The following DAPK2 variants were observed in gnomAD, a reference collection of about 807,000 sequenced individuals.
DAPK2 encodes the protein death associated protein kinase 2.
In DAPK2, 35 loss-of-function variants were observed where a neutral mutation model predicts 44.1. That is an observed-to-expected ratio of 0.79 (90% CI 0.61 to 1.05). The LOEUF (loss-of-function observed/expected upper bound fraction) is 1.05. Among genes scored for constraint, DAPK2 ranks in the 50% least tolerant of loss-of-function variants. The pLI is 0.00. For missense variants in DAPK2, 453 were observed against 483.2 expected (o/e 0.94, Z 0.59); for synonymous variants, 174 against 182.6 (o/e 0.95, Z 0.38).
intron 1 of DAPK2, among the ~76,000 whole-genome samples, chr15:64,024,446 G>C (rs1309742225): frequency 6.6e-6 from 1 of 152,176 alleles, no homozygotes; most frequent in African/African-American, 2.4e-5. Context: ...GGACATTAAA[G>C]GACAGAGACC....
chr15:63,953,440 T>C (rs1817183018), intron 3 of DAPK2, among the ~76,000 whole-genome samples: 1 of 152,220 alleles, frequency 6.6e-6, no homozygotes, highest in Admixed American at 6.5e-5. Flanking sequence ...AGTTGTTGCA[T>C]ATGACAGGAT....
At chr15:63,925,257 G>A (rs2079209320) in intron 7 of DAPK2, among the ~76,000 whole-genome samples, 1 of 152,138 alleles carries the variant, frequency 6.6e-6, no homozygotes, top group Admixed American at 6.5e-5. Context: ...ACCCAGGTAA[G>A]CAACTCTCCC....
intron 1 of DAPK2, among the ~76,000 whole-genome samples, chr15:64,031,821 C>A (rs1595915751): frequency 6.6e-6 from 1 of 152,150 alleles, no homozygotes; most frequent in Non-Finnish European, 1.5e-5. Context: ...AAAATGGGAA[C>A]AACTACTTCA....
intron 3 of DAPK2, among the ~76,000 whole-genome samples, chr15:63,949,645 C>T (rs1048433896): frequency 6.6e-6 from 1 of 152,208 alleles, no homozygotes; most frequent in African/African-American, 2.4e-5. Context: ...CAGGAGTTGG[C>T]TCCAAGATGC....
chr15:63,994,539 G>A (rs1446203485), intron 1 of DAPK2, among the ~76,000 whole-genome samples: 1 of 151,172 alleles, frequency 6.6e-6, no homozygotes, highest in Non-Finnish European at 1.5e-5. Context: ...TATCATCTTG[G>A]TGTCTGCCCC....
chr15:63,981,532 A>G (rs973689635), intron 2 of DAPK2, among the ~76,000 whole-genome samples: 3 of 152,250 alleles, frequency 2.0e-5, no homozygotes, highest in African/African-American at 7.2e-5. Context: ...GTAGAGCAGG[A>G]AATTATACAA....
intron 1 of DAPK2, among the ~76,000 whole-genome samples, chr15:64,000,147 G>A (rs57532370): frequency 2.2e-3 from 327 of 151,180 alleles, no homozygotes; most frequent in African/African-American, 7.6e-3. Context: ...AAAGGGGGAT[G>A]ATACAAAGCA....
At chr15:63,956,969 T>A (rs1164596682) in intron 3 of DAPK2, among the ~76,000 whole-genome samples, 3 of 152,258 alleles carry the variant, frequency 2.0e-5, no homozygotes, top group Non-Finnish European at 4.4e-5. Flanking sequence ...GAATGTGTAT[T>A]CTGCAACTAT....
intron 1 of DAPK2, among the ~76,000 whole-genome samples, chr15:64,003,015 T>TGTGTGTGTGTGTGTGTG (rs71447359): frequency 7.5e-6 from 1 of 133,416 alleles, no homozygotes; most frequent in Non-Finnish European, 1.6e-5. Context: ...TGTGTGTGTG[T>TGTGTGTGTGTGTGTGTG]CGTGGGACCA....
chr15:63,989,388 AAAAG>A (rs1156751427), intron 1 of DAPK2, among the ~76,000 whole-genome samples: 5 of 152,060 alleles, frequency 3.3e-5, no homozygotes, highest in Admixed American at 2.6e-4. Context: ...AAGCCAATAA[AAAAG>A]AGAGAGAGAA....
intron 4 of DAPK2, 41 bp from the exon 6 acceptor site, chr15:63,930,496 A>G (rs751958984): frequency 1.3e-6 from 2 of 1,594,074 alleles, no homozygotes; most frequent in South Asian, 2.2e-5. Context: ...GAGTGTGAAA[A>G]TGAGAGGAGA....
chr15:63,950,835 G>T (rs1345293197), intron 3 of DAPK2, among the ~76,000 whole-genome samples: 1 of 152,138 alleles, frequency 6.6e-6, no homozygotes, highest in African/African-American at 2.4e-5. Context: ...ACTTCAGTGA[G>T]GATCAAATGA....
rs1167606514 is a variant in DAPK2 at position 64,036,271 on chromosome 15, ATATGTGTGTG to A, written c.92+3889_92+3898del. On this transcript the variant is annotated intron_variant, in intron 1 of 10. Coordinates refer to ENST00000261891, the Ensembl canonical transcript of DAPK2. ...TGAAACTCCATCTCAAAATATATAT[ATATGTGTGTG>A]TGTGTGTGTGTGTGTGTGTGTGTGT... Among the ~76,000 whole-genome samples, 52 of 85,336 alleles carry A rather than the reference ATATGTGTGTG, an allele frequency of 6.1e-4. 1 individual carries two copies. Among genetic ancestry groups the A allele is most frequent in the South Asian group, 2.1e-3 (5 of 2,340 alleles). The allele number at this position is 85,336 out of a possible 152,430, so 56.0% of individuals were successfully genotyped here. A position where few individuals can be genotyped will look rare whatever the true frequency, so the allele number is the denominator to read the frequency against.
chr15:63,993,448 C>G (rs751747618), intron 1 of DAPK2, among the ~76,000 whole-genome samples: 2 of 143,674 alleles, frequency 1.4e-5, no homozygotes, highest in African/African-American at 2.5e-5. Flanking sequence ...ATTTCTTGCC[C>G]AATTTTTTTC....
At chr15:64,002,226 C>T (rs1291705009) in intron 1 of DAPK2, among the ~76,000 whole-genome samples, 1 of 152,172 alleles carries the variant, frequency 6.6e-6, no homozygotes, top group Non-Finnish European at 1.5e-5. Flanking sequence ...CAGCTCAACG[C>T]AGATCAACCA....
intron 1 of DAPK2, 44 bp from the exon 3 acceptor site, chr15:63,983,798 A>T (rs1435289490): frequency 6.4e-7 from 1 of 1,566,960 alleles, no homozygotes; most frequent in East Asian, 2.3e-5. Context: ...CACTGTGGTC[A>T]TTGGGGAAAT....
At chr15:63,959,868 T>G (rs1040633303) in intron 3 of DAPK2, among the ~76,000 whole-genome samples, 1 of 152,232 alleles carries the variant, frequency 6.6e-6, no homozygotes, top group African/African-American at 2.4e-5. Context: ...GTTGGCCTCA[T>G]AAAATGAATT....
At chr15:63,932,177 A>G (rs1424986900) in intron 4 of DAPK2, among the ~76,000 whole-genome samples, 4 of 150,392 alleles carry the variant, frequency 2.7e-5, no homozygotes, top group Admixed American at 1.3e-4. Context: ...AAAAAAAAAA[A>G]AAAAAAGGCT....
At chr15:63,959,856 A>G (rs1489421308) in intron 3 of DAPK2, among the ~76,000 whole-genome samples, 6 of 152,156 alleles carry the variant, frequency 3.9e-5, no homozygotes, top group Non-Finnish European at 8.8e-5. Flanking sequence ...TATCAGGATG[A>G]TGTTGGCCTC....
Sources: allele counts gnomAD v4.1 joint callset (sites outside exome capture counted in the v4.1 genomes callset), GRCh38; gene constraint gnomAD v4.1.1; transcripts MANE v1.5; gene names NCBI Gene and HGNC (gene_info 2026-07-23, HGNC 2026-07-21).